ANKFY1: variants seen among roughly 807,000 people sequenced by gnomAD.
ANKFY1 encodes the protein ankyrin repeat and FYVE domain-containing protein 1.
ANKFY1 carries 47 observed loss-of-function variants against 128.3 expected under a neutral mutation model. The ratio of observed to expected loss-of-function variants is 0.37; its 90% CI spans 0.29 to 0.47. The LOEUF is 0.47. ANKFY1 is among the 20% of genes least tolerant of loss of function. The probability of loss-of-function intolerance (pLI) is 1.00; values close to 1 mark genes in which losing one functional copy is unlikely to be tolerated. For synonymous variants in ANKFY1, 553 were observed against 601.6 expected, an observed-to-expected ratio of 0.92 and a Z score of 1.18; for missense variants, 1,222 against 1,510.6, an observed-to-expected ratio of 0.81 and a Z score of 3.17.
intron 1 of ANKFY1, among the ~76,000 whole-genome samples, chr17:4,246,895 A>G (rs562574876): frequency 5.3e-5 from 8 of 152,222 alleles, no homozygotes; most frequent in Admixed American, 2.0e-4. Flanking sequence ...GAGGATCTCT[A>G]AAGCCCATGA....
In ANKFY1 at chr17:4,235,828, C is replaced by T. The variant is rs1412928551; in HGVS notation, c.266G>A (p.Arg89His). 11 of 1,614,050 alleles carry T rather than the reference C, an allele frequency of 6.8e-6. No individual in the cohort carries two copies. Among genetic ancestry groups the T allele is most frequent in the Admixed American group, 5.0e-5 (3 of 59,996 alleles). Residue 89 changes from arginine to histidine, a missense_variant, in exon 3 of 25, where the codon CGC (arginine) becomes CAC (histidine). By Grantham distance (29) the Arg-to-His change is conservative (BLOSUM62 0). Coordinates refer to ENST00000341657, the MANE Select transcript of ANKFY1 (RefSeq NM_001330063.2). ...GTTAGCCAGACTCCAGCTGTCACTG[C>T]GGGCTGCCAGGACAAACTTGTGAGC... ...ISAHKFVLAA[R>H]SDSWSLANLS...
At chr17:4,209,021 T>G (rs2060077165) in intron 5 of ANKFY1, among the ~76,000 whole-genome samples, 2 of 151,886 alleles carry the variant, frequency 1.3e-5, no homozygotes, top group Admixed American at 1.3e-4. Flanking sequence ...ACCGTGCCAT[T>G]GCACTCCAGC....
At chr17:4,203,827 C>CAAAAAAAAAAAAAAAAAAAA (rs773865349) in intron 7 of ANKFY1, among the ~76,000 whole-genome samples, 1 of 77,794 alleles carries the variant, frequency 1.3e-5, no homozygotes, top group Non-Finnish European at 2.5e-5. Context: ...ACAACAACAA[C>CAAAAAAAAAAAAAAAAAAAA]AAAAAAAAAA....
Position 4,183,569 on chromosome 17 carries a change from A to G in ANKFY1, c.1799-18T>C. On this transcript the variant is annotated intron_variant, in intron 13 of 24. Coordinates refer to ENST00000341657, the MANE Select transcript of ANKFY1 (RefSeq NM_001330063.2). ...GTGCATGCCTGGGAAACAAGCCCCGATCTCATCCAGGCTCGGCTTTTCCCG... is the reference window on the plus strand; with the variant it reads ...GTGCATGCCTGGGAAACAAGCCCCGGTCTCATCCAGGCTCGGCTTTTCCCG... 1 of 1,609,492 alleles carries G rather than the reference A, an allele frequency of 6.2e-7. No homozygotes were observed. The highest frequency in any genetic ancestry group is 1.1e-5 in the South Asian group (1 of 90,988).
chr17:4,254,303 CAAAAAAAAAAAAAAAAAAAA>C (rs572606909), intron 1 of ANKFY1, among the ~76,000 whole-genome samples: 1 of 81,954 alleles, frequency 1.2e-5, no homozygotes, highest in African/African-American at 6.6e-5. Context: ...GACTCCATCT[CAAAAAAAAAAAAAAAAAAAA>C]AAAAAAAAAA....
chr17:4,202,522 C>T (rs940357054), intron 7 of ANKFY1, among the ~76,000 whole-genome samples: 10 of 149,682 alleles, frequency 6.7e-5, no homozygotes, highest in African/African-American at 2.2e-4. Flanking sequence ...CACGGTGAAA[C>T]CCCGTCTCTA....
rs759070966 is a variant in ANKFY1, at chr17:4,207,968, C to T, written c.697G>A (p.Val233Met). ...HKAIKVERED[V>M]VFLYLIEMDS... is the part of the protein sequence containing the mutation. Reference sequence around the variant, plus strand: ...ATTTCAATCAGATACAGGAAGACCACGTCTTCTCTCTCCACTTTGATGGCT... The same window carrying T: ...ATTTCAATCAGATACAGGAAGACCATGTCTTCTCTCTCCACTTTGATGGCT... The change falls in exon 6 of 25, where the codon GTG (valine) becomes ATG (methionine). Residue 233 changes from valine (V) to methionine (M), a missense_variant. Transcript: ENST00000341657. The T allele has an allele frequency of 8.1e-6, 13 of 1,608,636 alleles. No individual in the cohort carries two copies. The highest frequency in any genetic ancestry group is 1.3e-5 in the African/African-American group (1 of 74,790).
At position 4,180,715 on chromosome 17, in the gene ANKFY1, G is replaced by C. The variant is rs147642791; in HGVS notation, c.2240+539C>G. On this transcript the variant is annotated intron_variant, in intron 16 of 24. Transcript: ENST00000341657. ...GAGTTTGCAGTGAGCCAACCAAGAT[G>C]GTGCCACTGCACTCTAGCCTGGGTG... Among the ~76,000 whole-genome samples the C allele has an allele frequency of 7.3e-3, 1,077 of 146,870 alleles. 14 individuals are homozygous for C. The highest frequency in any genetic ancestry group is 0.026 in the African/African-American group (1,028 of 39,392).
chr17:4,178,860 C>T lies in ANKFY1; in HGVS notation c.2595G>A (p.Glu865=), dbSNP rs2059456307. ...AILKRESGAA[E]QVDNKGRNFL... Reference sequence around the variant, plus strand: ...AGGTCAGGTGTTATTCACTCACCTGCTCAGCAGCCCCGGACTCTCGTTTGA... The same window carrying T: ...AGGTCAGGTGTTATTCACTCACCTGTTCAGCAGCCCCGGACTCTCGTTTGA... The change falls in exon 18 of 25, where the codon GAG becomes GAA. Residue 865 remains glutamate, a synonymous_variant. Transcript: ENST00000341657. This position sits in a 1 kb window ranked among gnomAD's most constrained non-coding sequence, Gnocchi z 4.1. The T allele has an allele frequency of 6.2e-7, 1 of 1,614,076 alleles. No individual in the cohort carries two copies. The highest frequency in any genetic ancestry group is 1.1e-5 in the South Asian group (1 of 91,090).
intron 18 of ANKFY1, chr17:4,177,973 GCACGCCGCTTCACAGGCCCACACGT>G (rs1440784756): frequency 6.6e-6 from 1 of 152,536 alleles, no homozygotes; most frequent in East Asian, 1.9e-4. Context: ...CACACACACG[GCACGCCGCTTCACAGGCCCACACGT>G]CACACACGGC....
chr17:4,173,004 C>A (rs912448361), intron 21 of ANKFY1, among the ~76,000 whole-genome samples: 1 of 152,180 alleles, frequency 6.6e-6, no homozygotes, highest in African/African-American at 2.4e-5. Flanking sequence ...CTACAGGCGC[C>A]CGCCACCACG....
chr17:4,168,447 G>A (rs1241505773), intron 24 of ANKFY1, among the ~76,000 whole-genome samples: 1 of 151,804 alleles, frequency 6.6e-6, no homozygotes, highest in Admixed American at 6.6e-5. Context: ...GCAAGACTAT[G>A]TCTCAAAAAC....
intron 15 of ANKFY1, 150 bp downstream of exon 15, chr17:4,182,031 G>A (rs1161207098): frequency 1.1e-5 from 9 of 810,566 alleles, no homozygotes; most frequent in Non-Finnish European, 1.4e-5. Context: ...TGAACTGCAA[G>A]TTTCTTTAAC....
rs775169539 is a variant in ANKFY1, at chr17:4,207,140, CCA to C, written c.733-656_733-655del. Among the ~76,000 whole-genome samples the C allele has an allele frequency of 2.2e-4, 33 of 152,222 alleles. 1 individual carries two copies. In the East Asian group the frequency reaches 4.1e-3, roughly 19 times the overall value. On this transcript the variant is annotated intron_variant, in intron 6 of 24. Coordinates refer to ENST00000341657, the MANE Select transcript of ANKFY1 (RefSeq NM_001330063.2). ...ACCACAGAGGGCCCGACCCATCTAA[CCA>C]CAGAGGGCCCGACCCGTCTAACCAC... is the stretch of plus-strand genomic sequence containing the variant.
intron 10 of ANKFY1, among the ~76,000 whole-genome samples, chr17:4,191,617 TC>T: frequency 2.8e-5 from 4 of 141,930 alleles, no homozygotes; most frequent in African/African-American, 1.0e-4. Flanking sequence ...ATCTGGAGAC[TC>T]CTAGTTGATG....
At chr17:4,222,887 C>A in intron 3 of ANKFY1, 1 of 1,010,406 alleles carries the variant, frequency 9.9e-7, no homozygotes, top group Non-Finnish European at 1.6e-6. Flanking sequence ...CTGACACACC[C>A]AACAATCCAA....
At chr17:4,215,475 C>T (rs1048350138) in intron 4 of ANKFY1, among the ~76,000 whole-genome samples, 2 of 152,098 alleles carry the variant, frequency 1.3e-5, no homozygotes, top group African/African-American at 2.4e-5. Context: ...GAACCGCACC[C>T]GTCGCTAGCA....
intron 2 of ANKFY1, among the ~76,000 whole-genome samples, chr17:4,241,956 G>T (rs764312720): frequency 6.6e-6 from 1 of 151,894 alleles, no homozygotes; most frequent in Non-Finnish European, 1.5e-5. Flanking sequence ...GGGCACGGTG[G>T]TGGGCACCTG....
intron 7 of ANKFY1, among the ~76,000 whole-genome samples, chr17:4,203,213 A>T (rs1256364123): frequency 2.0e-5 from 3 of 152,190 alleles, no homozygotes; most frequent in Non-Finnish European, 4.4e-5. Flanking sequence ...AAGATTTCAA[A>T]TCATCAGAAA....
Sources: gnomAD v4.1 joint callset for allele counts (sites outside exome capture counted in the v4.1 genomes callset) on GRCh38, gnomAD v4.1.1 for gene constraint, Gnocchi (gnomAD v3.1) non-coding constraint, MANE v1.5 for transcripts, NCBI Gene and HGNC (gene_info 2026-07-23, HGNC 2026-07-21) for gene names.